Variants in RRM1 observed in about 807,000 individuals in gnomAD.
RRM1 encodes ribonucleoside-diphosphate reductase large subunit.
Under a neutral mutation model 101.5 loss-of-function variants are expected in RRM1, and 19 were observed. That is an observed-to-expected ratio of 0.19 (90% CI 0.13 to 0.27). The LOEUF is 0.27. Among genes scored for constraint, RRM1 ranks in the 10% least tolerant of loss-of-function variants. RRM1 has a pLI of 1.00. For missense variants in RRM1, 500 were observed against 962.9 expected (o/e 0.52, Z 6.36); for synonymous variants, 298 against 323.4 (o/e 0.92, Z 0.84).
chr11:4,120,521 C>G (rs543061661), intron 9 of RRM1, among the ~76,000 whole-genome samples: 13 of 152,210 alleles, frequency 8.5e-5, no homozygotes, highest in African/African-American at 2.9e-4. Context: ...TGTGCCACCA[C>G]ACCCAGCTAA....
chr11:4,110,425 T>A (rs2094563708), intron 5 of RRM1, among the ~76,000 whole-genome samples: 1 of 152,076 alleles, frequency 6.6e-6, no homozygotes, highest in African/African-American at 2.4e-5. Context: ...AGTCCTGGGA[T>A]TACAGGCATG....
chr11:4,094,817 T>C lies in RRM1; in HGVS notation c.-196T>C, dbSNP rs2094540595. On this transcript the variant is annotated 5_prime_UTR_variant, in exon 1 of 19. Coordinates refer to ENST00000300738, the MANE Select transcript of RRM1 (RefSeq NM_001033.5). ...GTCGCGCCCCTTTGTGCGTCACGGG[T>C]GGCGGGCGCGGGAAGGGGATTTGGA... 1.6e-6 allele frequency: 1 copy of C among 611,352 alleles called. No homozygotes were observed. The highest frequency in any genetic ancestry group is 2.9e-6 in the Non-Finnish European group (1 of 340,632). The allele number at this position is 611,352 out of a possible 1,614,324, so 37.9% of individuals were successfully genotyped here.
chr11:4,120,896 G>A (rs2094580766), intron 9 of RRM1, among the ~76,000 whole-genome samples: 1 of 152,186 alleles, frequency 6.6e-6, no homozygotes, highest in Non-Finnish European at 1.5e-5. Flanking sequence ...GCGAACGCCT[G>A]TAGTTTCAGC....
intron 15 of RRM1, among the ~76,000 whole-genome samples, chr11:4,130,706 A>T (rs561647960): frequency 1.6e-4 from 24 of 152,164 alleles, no homozygotes; most frequent in Middle Eastern, 3.2e-3. Context: ...AAAAGACTTG[A>T]TGTATTCTGA....
chr11:4,124,007 A>G (rs922022620), intron 12 of RRM1, among the ~76,000 whole-genome samples: 1 of 152,186 alleles, frequency 6.6e-6, no homozygotes, highest in Non-Finnish European at 1.5e-5. Flanking sequence ...ATTTGGAAAG[A>G]GTGGTCTGTA....
chr11:4,103,022 C>T (rs959108626), intron 2 of RRM1, among the ~76,000 whole-genome samples: 1 of 152,132 alleles, frequency 6.6e-6, no homozygotes, highest in Admixed American at 6.5e-5. Flanking sequence ...TCAAATCCAC[C>T]CATATTTCCG....
chr11:4,118,203 C>G lies in RRM1; in HGVS notation c.651-117C>G, dbSNP rs548934626. ...TTCTTCTTTGAAAATCATTTAGGAA[C>G]TTTCTAAACTTCAACTCTTTTTTTT... On this transcript the variant is annotated intron_variant, in intron 7 of 18. Transcript: ENST00000300738. The G allele has an allele frequency of 1.8e-3, 1,860 of 1,011,822 alleles. 6 individuals carry two copies. The highest frequency in any genetic ancestry group is 2.4e-3 in the Non-Finnish European group (1,659 of 691,826). The allele number at this position is 1,011,822 out of a possible 1,614,324, so 62.7% of individuals were successfully genotyped here. A position where few individuals can be genotyped will look rare whatever the true frequency, so the allele number is the denominator to read the frequency against.
intron 18 of RRM1, among the ~76,000 whole-genome samples, chr11:4,137,517 C>T (rs1191927709): frequency 1.3e-5 from 1 of 78,846 alleles, no homozygotes; most frequent in East Asian, 3.7e-4. Context: ...ACCTCCCTCC[C>T]GGACGGGGCG....
At chr11:4,118,202 A>G (rs1590722776) in intron 7 of RRM1, 118 bp from the exon 8 acceptor site, 2 of 998,342 alleles carry the variant, frequency 2.0e-6, no homozygotes. Flanking sequence ...TCATTTAGGA[A>G]CTTTCTAAAC....
intron 12 of RRM1, 134 bp from the exon 13 acceptor site, chr11:4,126,550 A>G: frequency 1.4e-6 from 1 of 692,736 alleles, no homozygotes. Flanking sequence ...CTGATGAATG[A>G]TGAAGAGGGA....
intron 2 of RRM1, among the ~76,000 whole-genome samples, chr11:4,104,580 C>G (rs1331148331): frequency 6.6e-6 from 1 of 152,004 alleles, no homozygotes; most frequent in Non-Finnish European, 1.5e-5. Context: ...GGGATTGGGG[C>G]CAGAAGACTT....
intron 4 of RRM1, among the ~76,000 whole-genome samples, chr11:4,109,034 A>G (rs536101399): frequency 6.6e-6 from 1 of 152,276 alleles, no homozygotes; most frequent in East Asian, 1.9e-4. Context: ...TAGCCTACAA[A>G]AACTCTGTAA....
chr11:4,117,961 A>G (rs1424827554), intron 7 of RRM1, among the ~76,000 whole-genome samples: 1 of 152,224 alleles, frequency 6.6e-6, no homozygotes, highest in East Asian at 1.9e-4. Flanking sequence ...TTGGCTTACT[A>G]ACAACCTGAA....
chr11:4,111,707 A>G (rs2094565825), intron 6 of RRM1, 67 bp downstream of exon 6: 3 of 1,371,368 alleles, frequency 2.2e-6, no homozygotes, highest in East Asian at 2.3e-5. Flanking sequence ...GCTTTGAGCT[A>G]TAAGTCTTAA....
chr11:4,130,104 T>TTTC (rs1565189537), intron 15 of RRM1, among the ~76,000 whole-genome samples: 1 of 90,606 alleles, frequency 1.1e-5, no homozygotes, highest in African/African-American at 4.7e-5. Flanking sequence ...TTTTTTTTTT[T>TTTC]CCCCTCAAAA....
chr11:4,119,752 A>G (rs2094578762), intron 8 of RRM1, 93 bp from the exon 9 acceptor site: 2 of 771,822 alleles, frequency 2.6e-6, no homozygotes, highest in African/African-American at 1.7e-5. Flanking sequence ...GCTACCTAGA[A>G]ATTAGGCATC....
intron 15 of RRM1, among the ~76,000 whole-genome samples, chr11:4,129,822 A>G (rs1222104771): frequency 6.6e-6 from 1 of 151,970 alleles, no homozygotes; most frequent in Non-Finnish European, 1.5e-5. Flanking sequence ...CTCTTTAAAA[A>G]AAATAACCGT....
upstream of RRM1, chr11:4,094,724 T>A: frequency 1.9e-6 from 1 of 539,968 alleles, no homozygotes; most frequent in Non-Finnish European, 3.3e-6. Context: ...CGGCTACACG[T>A]CGCCTGTCAG....
intron 1 of RRM1, among the ~76,000 whole-genome samples, chr11:4,095,681 ATCT>A (rs949392358): frequency 6.6e-6 from 1 of 152,220 alleles, no homozygotes; most frequent in Non-Finnish European, 1.5e-5. Context: ...TGGCTGAGAC[ATCT>A]TCTGACAAGA....
Sources: allele counts gnomAD v4.1 joint callset (sites outside exome capture counted in the v4.1 genomes callset), GRCh38; gene constraint gnomAD v4.1.1; transcripts MANE v1.5; gene names NCBI Gene and HGNC (gene_info 2026-07-23, HGNC 2026-07-21).